PERP: variants seen among roughly 807,000 people sequenced by gnomAD.
PERP encodes the protein p53 apoptosis effector related to PMP-22.
A neutral mutation model predicts 20.3 loss-of-function variants in PERP; 11 were observed. The ratio of observed to expected loss-of-function variants is 0.54; its 90% CI spans 0.34 to 0.90. PERP has a LOEUF of 0.90. Ranked by LOEUF, PERP falls within the 40% of genes least tolerant of loss-of-function variation. The pLI is 0.02. For synonymous variants in PERP, 101 were observed against 102.0 expected, an observed-to-expected ratio of 0.99 and a Z score of 0.06; for missense variants, 224 against 249.4, an observed-to-expected ratio of 0.90 and a Z score of 0.69.
chr6:138,102,714 C>T (rs1219284523), intron 1 of PERP, among the ~76,000 whole-genome samples: 3 of 152,142 alleles, frequency 2.0e-5, no homozygotes, highest in South Asian at 2.1e-4. Context: ...ATAAATCATA[C>T]GTACTTTTAA....
chr6:138,102,760 T>C (rs983481426), intron 1 of PERP, among the ~76,000 whole-genome samples: 1 of 152,162 alleles, frequency 6.6e-6, no homozygotes, highest in African/African-American at 2.4e-5. Context: ...AACTTTTTAT[T>C]TTTTGCTGTG....
intron 1 of PERP, among the ~76,000 whole-genome samples, chr6:138,102,993 G>A (rs1286651507): frequency 6.6e-6 from 1 of 151,646 alleles, no homozygotes; most frequent in East Asian, 2.0e-4. Context: ...GAGCTACTCG[G>A]GAGGCTCAGG....
Position 138,096,422 on chromosome 6 carries a change from A to G in PERP, c.287T>C (p.Phe96Ser). The change falls in exon 2 of 3, where the codon TTC becomes TCC. Residue 96 changes from phenylalanine (F) to serine (S), a missense_variant. By Grantham distance (155) the Phe-to-Ser change is radical (BLOSUM62 -2). Coordinates refer to ENST00000421351, the MANE Select transcript of PERP (RefSeq NM_022121.5). ...IILVICFILS[F>S]FALCGPQMLV... Reference sequence around the variant, plus strand: ...CATCTGGGGTCCACAGAGGGCGAAGAAGGAGAGGATGAAACAGATCACCAG... The same window carrying G: ...CATCTGGGGTCCACAGAGGGCGAAGGAGGAGAGGATGAAACAGATCACCAG... 1 of 1,614,132 alleles carries G rather than the reference A, an allele frequency of 6.2e-7. No homozygotes were observed. The highest frequency in any genetic ancestry group is 1.3e-5 in the African/African-American group (1 of 75,058).
intron 2 of PERP, among the ~76,000 whole-genome samples, chr6:138,094,106 C>T (rs919201341): frequency 1.3e-5 from 2 of 152,160 alleles, no homozygotes; most frequent in Non-Finnish European, 2.9e-5. Context: ...AAGAGTTTTA[C>T]TAGGATATTT....
intron 2 of PERP, among the ~76,000 whole-genome samples, chr6:138,095,943 C>G (rs2506843): frequency 0.5 from 76,005 of 152,090 alleles, 19,857 homozygotes; most frequent in Non-Finnish European, 0.55. Context: ...AGATCACAAG[C>G]CTCTTTCAAC....
intron 1 of PERP, among the ~76,000 whole-genome samples, chr6:138,096,718 C>T (rs958176970): frequency 1.3e-5 from 2 of 152,148 alleles, no homozygotes; most frequent in African/African-American, 2.4e-5. Context: ...AATGCCTTTT[C>T]CCCCTCAGTT....
Position 138,107,221 on chromosome 6 carries a change from G to A in PERP, c.120C>T (p.Asp40=). ...ACCACAGCGAGGACGTCTGGCCGTGGTCGCTAGACTGCAACCAGCCGCGGC... is the reference window on the plus strand; with the variant it reads ...ACCACAGCGAGGACGTCTGGCCGTGATCGCTAGACTGCAACCAGCCGCGGC... The part of the protein sequence containing the change: ...LAGRGWLQSS[D]HGQTSSLWWK... Residue 40 remains aspartate, a synonymous_variant, in exon 1 of 3, where the codon GAC becomes GAT. Transcript: ENST00000421351. The surrounding 1 kb of genome is among the most constrained non-coding windows in gnomAD (Gnocchi z 4.8). 1 of 1,612,444 alleles carries A rather than the reference G, an allele frequency of 6.2e-7. No individual in the cohort carries two copies. Among genetic ancestry groups the A allele is most frequent in the Non-Finnish European group, 8.5e-7 (1 of 1,179,722 alleles).
chr6:138,103,264 C>G (rs1562325777), intron 1 of PERP, among the ~76,000 whole-genome samples: 1 of 151,880 alleles, frequency 6.6e-6, no homozygotes. Flanking sequence ...ATTCTCCTAC[C>G]TCAGCCTCCT....
At chr6:138,093,338 T>C (rs1411200948) in intron 2 of PERP, among the ~76,000 whole-genome samples, 1 of 152,176 alleles carries the variant, frequency 6.6e-6, no homozygotes, top group Non-Finnish European at 1.5e-5. Flanking sequence ...AATTCTTGTC[T>C]ACAGCTCCAC....
At chr6:138,103,723 G>A (rs1775806559) in intron 1 of PERP, among the ~76,000 whole-genome samples, 1 of 152,170 alleles carries the variant, frequency 6.6e-6, no homozygotes, top group African/African-American at 2.4e-5. Flanking sequence ...AACAGTCTGT[G>A]GCCTCAGGGT....
chr6:138,103,445 C>A (rs982577078), intron 1 of PERP, among the ~76,000 whole-genome samples: 5 of 152,084 alleles, frequency 3.3e-5, no homozygotes, highest in Admixed American at 6.5e-5. Context: ...AGCCACCACA[C>A]CCGGCCAGGA....
rs1460474792 is a variant in PERP, at chr6:138,090,725, T to A, written c.*1317A>T. On this transcript the variant is annotated 3_prime_UTR_variant, in exon 3 of 3. Transcript: ENST00000421351. ...TTATATCCCATGTTCTTATTACCCA[T>A]TTTTTTTTTAATTCCTTTCCCCAGA... 1 of 105,504 alleles carries A rather than the reference T, an allele frequency of 9.5e-6. No homozygotes were observed. Among genetic ancestry groups the A allele is most frequent in the Non-Finnish European group, 2.4e-5 (1 of 41,622 alleles). The allele number at this position is 105,504 out of a possible 1,614,324, so 6.5% of individuals were successfully genotyped here. A position where few individuals can be genotyped will look rare whatever the true frequency, so the allele number is the denominator to read the frequency against.
intron 1 of PERP, among the ~76,000 whole-genome samples, chr6:138,101,653 C>T (rs988502715): frequency 6.6e-6 from 1 of 152,156 alleles, no homozygotes; most frequent in Non-Finnish European, 1.5e-5. Context: ...GATTCTGTAT[C>T]ATCCAAGATT....
intron 1 of PERP, among the ~76,000 whole-genome samples, chr6:138,100,542 T>TTGTGTGTGTG (rs58385691): frequency 2.1e-4 from 31 of 146,280 alleles, no homozygotes; most frequent in African/African-American, 6.8e-4. Flanking sequence ...TATACCAGAT[T>TTGTGTGTGTG]TGTGTGTGTG....
At position 138,100,540 on chromosome 6, in the gene PERP, A is replaced by ATT. The variant is rs201099582; in HGVS notation, c.215-4048_215-4047dup. 5.0e-3 allele frequency among the ~76,000 whole-genome samples: 677 copies of ATT among 136,136 alleles called. 8 individuals are homozygous for ATT. Among genetic ancestry groups the ATT allele is most frequent in the African/African-American group, 0.018 (667 of 37,254 alleles). 89.3% of individuals were successfully genotyped at this position (136,136 alleles called of 152,430 possible). On this transcript the variant is annotated intron_variant, in intron 1 of 2. Coordinates refer to ENST00000421351, the MANE Select transcript of PERP (RefSeq NM_022121.5). Reference sequence around the variant, plus strand: ...CTTTCATTACTATTTTATATACCAGATTTGTGTGTGTGTGTGTGTGTGTGT... The same window carrying ATT: ...CTTTCATTACTATTTTATATACCAGATTTTTGTGTGTGTGTGTGTGTGTGTGT...
At chr6:138,106,995 G>C (rs1775853141) in intron 1 of PERP, 132 bp downstream of exon 1, 2 of 856,032 alleles carry the variant, frequency 2.3e-6, no homozygotes, top group East Asian at 6.3e-5. Flanking sequence ...GCCCGAGCTC[G>C]TCCTAAACAG....
Position 138,093,020 on chromosome 6 carries a change from T to C in PERP, c.356-752A>G, listed in dbSNP as rs556072677. ...AAGATTTCTAAACTCTCTGGCATAA[T>C]AGTCACATTATTACAATTATTAATC... On this transcript the variant is annotated intron_variant, in intron 2 of 2. Coordinates refer to ENST00000421351, the MANE Select transcript of PERP (RefSeq NM_022121.5). Among the ~76,000 whole-genome samples the C allele has an allele frequency of 1.4e-4, 22 of 152,326 alleles. No homozygotes were observed. In the South Asian group the frequency reaches 4.6e-3, roughly 32 times the overall value.
chr6:138,101,472 G>A (rs1468295427), intron 1 of PERP, among the ~76,000 whole-genome samples: 2 of 152,120 alleles, frequency 1.3e-5, no homozygotes, highest in South Asian at 4.1e-4. Context: ...TAAATTGTTG[G>A]TGATACTTTG....
intron 1 of PERP, among the ~76,000 whole-genome samples, chr6:138,097,347 C>T (rs1775708752): frequency 6.6e-6 from 1 of 152,156 alleles, no homozygotes; most frequent in Admixed American, 6.5e-5. Context: ...TTCAACCTGC[C>T]CTCATTGCTA....
Sources: gnomAD v4.1 joint callset for allele counts (sites outside exome capture counted in the v4.1 genomes callset) on GRCh38, gnomAD v4.1.1 for gene constraint, Gnocchi (gnomAD v3.1) non-coding constraint, MANE v1.5 for transcripts, NCBI Gene and HGNC (gene_info 2026-07-23, HGNC 2026-07-21) for gene names.